The following CNBD1 variants were observed in gnomAD, a reference collection of about 807,000 sequenced individuals.
CNBD1 encodes the protein cyclic nucleotide-binding domain-containing protein 1.
Under a neutral mutation model 54.4 loss-of-function variants are expected in CNBD1, and 71 were observed. The ratio of observed to expected loss-of-function variants is 1.30; its 90% CI spans 1.08 to 1.59. The LOEUF is 1.59. CNBD1 is among the 40% of genes most tolerant of loss of function. The pLI, the probability that CNBD1 is intolerant of heterozygous loss-of-function variation, is 0.00. For missense variants in CNBD1, 659 were observed against 518.0 expected (o/e 1.27, Z -2.64); for synonymous variants, 182 against 170.7 (o/e 1.07, Z -0.51).
At chr8:87,088,652 C>T (rs1404287556) in intron 4 of CNBD1, among the ~76,000 whole-genome samples, 1 of 152,032 alleles carries the variant, frequency 6.6e-6, no homozygotes, top group Non-Finnish European at 1.5e-5. Flanking sequence ...TAAATTTTGA[C>T]ATTGGTTTTA....
intron 8 of CNBD1, among the ~76,000 whole-genome samples, chr8:87,316,453 G>A (rs1408504171): frequency 6.6e-6 from 1 of 151,878 alleles, no homozygotes; most frequent in Admixed American, 6.6e-5. Flanking sequence ...TGTAATTTAG[G>A]TAGGTGTGTC....
At chr8:87,009,007 T>G (rs1180416503) in intron 4 of CNBD1, among the ~76,000 whole-genome samples, 1 of 152,044 alleles carries the variant, frequency 6.6e-6, no homozygotes, top group Non-Finnish European at 1.5e-5. Context: ...ATATAACTAT[T>G]GGTTTTTTAT....
intron 4 of CNBD1, among the ~76,000 whole-genome samples, chr8:86,992,498 G>A (rs1048614345): frequency 1.3e-5 from 2 of 151,960 alleles, no homozygotes; most frequent in African/African-American, 4.8e-5. Flanking sequence ...ACGAAATTTT[G>A]ATCCTATCAT....
At chr8:86,890,662 T>C (rs1808755330) in intron 2 of CNBD1, among the ~76,000 whole-genome samples, 1 of 152,128 alleles carries the variant, frequency 6.6e-6, no homozygotes, top group South Asian at 2.1e-4. Flanking sequence ...GGAAACTCCA[T>C]ACTGTTTTCC....
At chr8:87,275,959 C>T (rs145213390) in intron 6 of CNBD1, among the ~76,000 whole-genome samples, 431 of 152,012 alleles carry the variant, frequency 2.8e-3, no homozygotes, top group African/African-American at 9.7e-3. Context: ...TGAGTGAACT[C>T]CCATTCACAA....
intron 6 of CNBD1, among the ~76,000 whole-genome samples, chr8:87,269,341 A>G (rs980193625): frequency 6.6e-6 from 1 of 152,030 alleles, no homozygotes; most frequent in Non-Finnish European, 1.5e-5. Flanking sequence ...GTATATTTTG[A>G]AGTTAGATAA....
chr8:87,094,079 C>T (rs900375878), intron 4 of CNBD1, among the ~76,000 whole-genome samples: 3 of 152,154 alleles, frequency 2.0e-5, no homozygotes, highest in Admixed American at 1.3e-4. Flanking sequence ...TTTCTCTATC[C>T]TCCTCACCCC....
intron 10 of CNBD1, among the ~76,000 whole-genome samples, chr8:87,375,518 G>A (rs4305915): frequency 0.57 from 86,474 of 151,424 alleles, 26,312 homozygotes; most frequent in African/African-American, 0.78. Flanking sequence ...CATCTTTTCC[G>A]AAGCCATAGC....
At chr8:87,406,204 T>G (rs1450958481) in intron 2 of CNBD1, among the ~76,000 whole-genome samples, 1 of 152,084 alleles carries the variant, frequency 6.6e-6, no homozygotes, top group Non-Finnish European at 1.5e-5. Flanking sequence ...GAGTCCAATC[T>G]TTGTTCATGT....
At chr8:87,390,756 C>G (rs542688243) in intron 2 of CNBD1, among the ~76,000 whole-genome samples, 1 of 151,858 alleles carries the variant, frequency 6.6e-6, no homozygotes, top group Non-Finnish European at 1.5e-5. Flanking sequence ...TACCCGAAGG[C>G]TTATAAAACA....
At chr8:87,155,905 A>G (rs1206659180) in intron 4 of CNBD1, among the ~76,000 whole-genome samples, 1 of 152,102 alleles carries the variant, frequency 6.6e-6, no homozygotes, top group East Asian at 1.9e-4. Context: ...TAAACACTTT[A>G]CACACATGCT....
At chr8:87,042,355 G>C (rs939806165) in intron 4 of CNBD1, among the ~76,000 whole-genome samples, 1 of 152,116 alleles carries the variant, frequency 6.6e-6, no homozygotes, top group African/African-American at 2.4e-5. Context: ...TTAAAACCAC[G>C]GTCTTGAAAA....
intron 2 of CNBD1, among the ~76,000 whole-genome samples, chr8:87,406,477 CACTTT>C (rs775700557): frequency 1.6e-4 from 16 of 99,906 alleles, no homozygotes; most frequent in African/African-American, 6.2e-4. Context: ...CACACACACA[CACTTT>C]TTTTTTTTTT....
chr8:86,926,321 C>T (rs1018261720), intron 3 of CNBD1, among the ~76,000 whole-genome samples: 1 of 152,088 alleles, frequency 6.6e-6, no homozygotes. Context: ...CAGAGGGGAA[C>T]TCTTTAGACC....
intron 8 of CNBD1, among the ~76,000 whole-genome samples, chr8:87,293,351 C>T (rs1257859711): frequency 2.0e-5 from 3 of 152,012 alleles, no homozygotes; most frequent in Non-Finnish European, 4.4e-5. Context: ...CAAGACCAGC[C>T]TGGACAACAT....
chr8:87,340,494 T>C (rs1810044194), intron 8 of CNBD1, among the ~76,000 whole-genome samples: 1 of 152,166 alleles, frequency 6.6e-6, no homozygotes, highest in Non-Finnish European at 1.5e-5. Flanking sequence ...AAACTTTCTG[T>C]TTCTTTCTCT....
At chr8:87,048,780 C>T (rs1810253387) in intron 4 of CNBD1, among the ~76,000 whole-genome samples, 1 of 152,208 alleles carries the variant, frequency 6.6e-6, no homozygotes, top group South Asian at 2.1e-4. Flanking sequence ...TGCCAGATAA[C>T]TTCCTATCCT....
intron 4 of CNBD1, among the ~76,000 whole-genome samples, chr8:86,995,421 A>G (rs1461993448): frequency 1.3e-5 from 2 of 152,246 alleles, no homozygotes; most frequent in African/African-American, 4.8e-5. Context: ...TTACAAAAAC[A>G]GTGAGTGGCT....
chr8:87,051,346 G>A (rs1810307830), intron 4 of CNBD1, among the ~76,000 whole-genome samples: 1 of 152,094 alleles, frequency 6.6e-6, no homozygotes, highest in Non-Finnish European at 1.5e-5. Context: ...GGATAGTGAG[G>A]GCAGTTTGAG....
Sources: gnomAD v4.1 joint callset for allele counts (sites outside exome capture counted in the v4.1 genomes callset) on GRCh38, gnomAD v4.1.1 for gene constraint, MANE v1.5 for transcripts, NCBI Gene and HGNC (gene_info 2026-07-23, HGNC 2026-07-21) for gene names.